The following NPNT variants were observed in gnomAD, a reference collection of about 807,000 sequenced individuals.
The protein encoded by NPNT is nephronectin.
In NPNT, 45 loss-of-function variants were observed where a neutral mutation model predicts 68.6. That is an observed-to-expected ratio of 0.66 (90% CI 0.52 to 0.84). The LOEUF (loss-of-function observed/expected upper bound fraction) is 0.84. Among genes scored for constraint, NPNT ranks in the 40% least tolerant of loss-of-function variants. The pLI is 0.00. For synonymous variants in NPNT, 233 were observed against 253.3 expected (o/e 0.92, Z 0.76); for missense variants, 672 against 714.8 (o/e 0.94, Z 0.68).
At chr4:105,913,407 A>G (rs1042620942) in intron 2 of NPNT, among the ~76,000 whole-genome samples, 2 of 152,172 alleles carry the variant, frequency 1.3e-5, no homozygotes, top group Non-Finnish European at 2.9e-5. Context: ...AAAGAATAGA[A>G]TGTGTGGTTG....
In NPNT at chr4:105,967,299, G is replaced by A; in HGVS notation, c.1457G>A (p.Arg486Lys). The A allele has an allele frequency of 3.1e-6, 5 of 1,614,020 alleles. No homozygotes were observed. Among genetic ancestry groups the A allele is most frequent in the Non-Finnish European group, 4.2e-6 (5 of 1,179,998 alleles). Residue 486 changes from arginine to lysine, a missense_variant, in exon 11 of 12, where the codon AGG becomes AAG. Coordinates refer to ENST00000379987, the MANE Select transcript of NPNT (RefSeq NM_001033047.3). The part of the protein sequence containing the change: ...MHSGDLCLSF[R>K]HKVTGLHSGT... ...TCAGGGGACCTGTGCCTGTCATTCA[G>A]GCACAAGGTGACGGGGCTGCACTCT...
In NPNT at chr4:105,932,667, C is replaced by A. The variant is rs765503249; in HGVS notation, c.266-4342C>A. ...AGGCAGTGAACAGCCTCTTTTCCAA[C>A]CCCTGGATCACCAAGCCACAAGTTT... On this transcript the variant is annotated intron_variant, in intron 3 of 11. Coordinates refer to ENST00000379987, the MANE Select transcript of NPNT (RefSeq NM_001033047.3). 4.6e-6 allele frequency: 7 copies of A among 1,535,914 alleles called. No individual in the cohort carries two copies. The African/African-American group carries it at 8.2e-5, about 18-fold the overall frequency.
At chr4:105,896,911 C>A (rs1329273606) in intron 1 of NPNT, among the ~76,000 whole-genome samples, 2 of 152,188 alleles carry the variant, frequency 1.3e-5, no homozygotes, top group Non-Finnish European at 2.9e-5. Context: ...AACGTGATAG[C>A]AGCCAGAGTG....
At chr4:105,919,285 C>G (rs576020450) in intron 2 of NPNT, among the ~76,000 whole-genome samples, 21 of 151,920 alleles carry the variant, frequency 1.4e-4, no homozygotes, top group Non-Finnish European at 2.2e-4. Context: ...CTCTCTTTCT[C>G]CCTCAACCAT....
intron 9 of NPNT, 71 bp from the exon 10 acceptor site, chr4:105,958,957 A>G (rs1276454142): frequency 3.2e-6 from 3 of 930,082 alleles, no homozygotes; most frequent in Non-Finnish European, 5.4e-6. Flanking sequence ...AGATACCCCT[A>G]GTTCATAGAT....
chr4:105,935,066 C>G (rs904230126), intron 3 of NPNT, among the ~76,000 whole-genome samples: 3 of 152,148 alleles, frequency 2.0e-5, no homozygotes, highest in African/African-American at 7.2e-5. Flanking sequence ...TGTTTATGAG[C>G]TGCCTGAAAC....
intron 4 of NPNT, 124 bp from the exon 5 acceptor site, chr4:105,938,177 A>C: frequency 2.6e-6 from 2 of 778,054 alleles, no homozygotes; most frequent in Non-Finnish European, 4.1e-6. Context: ...TTTGATAGTT[A>C]AGGCCTCTTT....
intron 3 of NPNT, among the ~76,000 whole-genome samples, chr4:105,929,857 G>A (rs1420042852): frequency 6.6e-6 from 1 of 151,960 alleles, no homozygotes; most frequent in Admixed American, 6.5e-5. Context: ...TCATCACTGG[G>A]TAGCTCCTAT....
intron 2 of NPNT, among the ~76,000 whole-genome samples, chr4:105,921,956 G>A (rs956179871): frequency 6.6e-6 from 1 of 152,078 alleles, no homozygotes; most frequent in African/African-American, 2.4e-5. Context: ...CCCTACCCTT[G>A]CATGTTTCTC....
At chr4:105,933,445 A>G (rs1729275871) in intron 3 of NPNT, among the ~76,000 whole-genome samples, 1 of 152,340 alleles carries the variant, frequency 6.6e-6, no homozygotes, top group South Asian at 2.1e-4. Context: ...AGTTGAAATT[A>G]TTAATCATTG....
chr4:105,925,846 G>A (rs56884718), intron 2 of NPNT, among the ~76,000 whole-genome samples: 1 of 152,232 alleles, frequency 6.6e-6, no homozygotes, highest in Non-Finnish European at 1.5e-5. Context: ...ACCATCACCA[G>A]AGCTTTGATA....
chr4:105,911,783 A>G (rs1727384872), intron 2 of NPNT: 2 of 200,046 alleles, frequency 1.0e-5, no homozygotes, highest in Admixed American at 5.5e-5. Flanking sequence ...TTACTAATTG[A>G]TCAAAAGTTT....
chr4:105,898,510 T>C (rs759852928), intron 2 of NPNT, among the ~76,000 whole-genome samples: 1 of 152,206 alleles, frequency 6.6e-6, no homozygotes, highest in Non-Finnish European at 1.5e-5. Context: ...AGAGTACTTA[T>C]ATAATCCTCA....
chr4:105,932,487 T>C, intron 3 of NPNT: 1 of 581,924 alleles, frequency 1.7e-6, no homozygotes. Context: ...TTATAAAGTA[T>C]CTAATGCATT....
chr4:105,962,322 G>C (rs1731780164), intron 10 of NPNT, among the ~76,000 whole-genome samples: 2 of 152,286 alleles, frequency 1.3e-5, no homozygotes, highest in South Asian at 4.1e-4. Context: ...ATAACGTTTA[G>C]CCTGGAGAAG....
At chr4:105,949,815 C>T (rs890644179) in intron 8 of NPNT, among the ~76,000 whole-genome samples, 2 of 152,110 alleles carry the variant, frequency 1.3e-5, no homozygotes, top group Admixed American at 6.6e-5. Context: ...CCATTTGACT[C>T]CAATTAGATA....
intron 2 of NPNT, among the ~76,000 whole-genome samples, chr4:105,925,456 G>A (rs1728611463): frequency 1.3e-5 from 2 of 152,080 alleles, no homozygotes; most frequent in South Asian, 4.1e-4. Flanking sequence ...TGAGGGAAGG[G>A]TTAGTGACAG....
intron 8 of NPNT, among the ~76,000 whole-genome samples, chr4:105,952,549 A>T (rs1401168090): frequency 6.6e-6 from 1 of 152,184 alleles, no homozygotes; most frequent in East Asian, 1.9e-4. Flanking sequence ...CTCCAAAATA[A>T]AATAAAATAA....
At chr4:105,912,293 A>G (rs1727433866) in intron 2 of NPNT, 2 of 1,143,692 alleles carry the variant, frequency 1.7e-6, no homozygotes, top group Admixed American at 4.4e-5. Context: ...CTTGAAAGGC[A>G]TACCTTCTAA....
Sources: gnomAD v4.1 joint callset for allele counts (sites outside exome capture counted in the v4.1 genomes callset) on GRCh38, gnomAD v4.1.1 for gene constraint, MANE v1.5 for transcripts, NCBI Gene and HGNC (gene_info 2026-07-23, HGNC 2026-07-21) for gene names.